Variants in CCDC192 observed in about 807,000 individuals in gnomAD.
CCDC192 encodes coiled-coil domain-containing protein 192.
At chr5:127,833,649 C>T (rs1313756160) in intron 5 of CCDC192, among the ~76,000 whole-genome samples, 2 of 152,090 alleles carry the variant, frequency 1.3e-5, no homozygotes, top group Non-Finnish European at 2.9e-5. Context: ...TGGTTGAAAG[C>T]TAGTATTTCT....
In CCDC192 at chr5:127,900,966, A is replaced by G. The variant is rs115553812; in HGVS notation, c.535+25305A>G. Among the ~76,000 whole-genome samples the G allele has an allele frequency of 3.9e-3, 600 of 152,328 alleles. 2 individuals are homozygous for G. Among genetic ancestry groups the G allele is most frequent in the African/African-American group, 0.014 (579 of 41,564 alleles). On this transcript the variant is annotated intron_variant, in intron 6 of 6. Transcript: ENST00000514853. ...GAAGAAAAGACCAATTTGATAAAAA[A>G]ATTAACATTTGGGTTCAGAATAAAA... is the stretch of plus-strand genomic sequence containing the variant.
At chr5:127,826,540 T>C (rs1018983994) in intron 5 of CCDC192, among the ~76,000 whole-genome samples, 1 of 151,162 alleles carries the variant, frequency 6.6e-6, no homozygotes. Context: ...CAACAGTGGA[T>C]TGGATAAAGA....
At chr5:127,759,833 T>C (rs897141955) in intron 3 of CCDC192, among the ~76,000 whole-genome samples, 1 of 152,230 alleles carries the variant, frequency 6.6e-6, no homozygotes, top group African/African-American at 2.4e-5. Flanking sequence ...TCCAGTTTTC[T>C]CTTCTACTCT....
intron 5 of CCDC192, among the ~76,000 whole-genome samples, chr5:127,853,814 A>G (rs1420247617): frequency 6.6e-6 from 1 of 152,086 alleles, no homozygotes; most frequent in African/African-American, 2.4e-5. Context: ...AACAAAAAAA[A>G]CATCTGGAGT....
intron 6 of CCDC192, among the ~76,000 whole-genome samples, chr5:127,880,766 G>A (rs1173167230): frequency 1.3e-5 from 2 of 152,046 alleles, no homozygotes; most frequent in African/African-American, 4.8e-5. Flanking sequence ...GATCGCCTGA[G>A]ATCAGGAGTT....
At chr5:127,736,501 A>T (rs1437472619) in intron 2 of CCDC192, among the ~76,000 whole-genome samples, 1 of 151,920 alleles carries the variant, frequency 6.6e-6, no homozygotes, top group East Asian at 1.9e-4. Flanking sequence ...TTCAGAAGGA[A>T]TGGTACCAGT....
At chr5:127,806,956 G>C (rs1472867519) in intron 5 of CCDC192, among the ~76,000 whole-genome samples, 1 of 152,200 alleles carries the variant, frequency 6.6e-6, no homozygotes, top group African/African-American at 2.4e-5. Flanking sequence ...CAGAGAGGAA[G>C]ACAGCATTGG....
Position 127,838,727 on chromosome 5 carries a change from C to T in CCDC192, c.412-36811C>T, listed in dbSNP as rs191508882. On this transcript the variant is annotated intron_variant, in intron 5 of 6. Coordinates refer to ENST00000514853, the MANE Select transcript of CCDC192 (RefSeq NM_001317938.2). ...AAAATGAGGCTCAGAAGATCAAGAG[C>T]GCTAAAAATGTACACATCAGATTGC... The T allele has an allele frequency of 9.8e-5, 15 of 152,290 alleles. No individual in the cohort carries two copies. The East Asian group carries it at 1.7e-3, about 18-fold the overall frequency. 9.4% of individuals were successfully genotyped at this position (152,290 alleles called of 1,614,324 possible).
intron 3 of CCDC192, among the ~76,000 whole-genome samples, chr5:127,759,003 A>G (rs538097473): frequency 6.4e-4 from 98 of 152,352 alleles, no homozygotes; most frequent in African/African-American, 2.3e-3. Flanking sequence ...TTTTGGCAGC[A>G]GTGTTAGCCC....
chr5:127,745,807 AT>A, intron 2 of CCDC192, among the ~76,000 whole-genome samples: 1 of 152,310 alleles, frequency 6.6e-6, no homozygotes, highest in Admixed American at 6.5e-5. Flanking sequence ...TTCATTATTA[AT>A]ACAAATTGCA....
At chr5:127,922,218 TAA>T (rs1753742304) in intron 6 of CCDC192, among the ~76,000 whole-genome samples, 2 of 152,242 alleles carry the variant, frequency 1.3e-5, no homozygotes, top group South Asian at 4.1e-4. Flanking sequence ...GATTTTTCCA[TAA>T]GTTTGATTTT....
chr5:127,783,908 T>A (rs1241593458), intron 3 of CCDC192, among the ~76,000 whole-genome samples: 1 of 152,230 alleles, frequency 6.6e-6, no homozygotes, highest in Non-Finnish European at 1.5e-5. Context: ...ATTTTTTAAC[T>A]GCTGTTGCTT....
intron 5 of CCDC192, among the ~76,000 whole-genome samples, chr5:127,828,747 G>A (rs146460681): frequency 1.2e-3 from 179 of 152,252 alleles, no homozygotes; most frequent in African/African-American, 3.9e-3. Context: ...AGTGTCCATA[G>A]GAATAGAGGT....
Position 127,710,455 on chromosome 5 carries a change from T to G in CCDC192, c.114+2695T>G, listed in dbSNP as rs559125609. ...CCCCGCTCTCTCTGCCTTTGTGTCT[T>G]GGTGGTTCTTTATTTGCCTTTACTG... is the stretch of plus-strand genomic sequence containing the variant. On this transcript the variant is annotated intron_variant, in intron 2 of 6. Transcript: ENST00000514853. 7.4e-4 allele frequency among the ~76,000 whole-genome samples: 113 copies of G among 152,214 alleles called. 1 individual carries two copies. The highest frequency in any genetic ancestry group is 3.9e-4 in the East Asian group (2 of 5,186).
intron 6 of CCDC192, among the ~76,000 whole-genome samples, chr5:127,898,650 T>C (rs1752960115): frequency 6.6e-6 from 1 of 152,088 alleles, no homozygotes; most frequent in African/African-American, 2.4e-5. Context: ...AAGAAGGTTT[T>C]TTGACTCCAT....
intron 5 of CCDC192, among the ~76,000 whole-genome samples, chr5:127,807,846 C>A (rs1370233391): frequency 6.6e-6 from 1 of 151,928 alleles, no homozygotes; most frequent in African/African-American, 2.4e-5. Context: ...ACTTAAAATC[C>A]TTCCTGAATT....
intron 5 of CCDC192, among the ~76,000 whole-genome samples, chr5:127,859,345 A>G (rs1237357315): frequency 6.6e-6 from 1 of 152,198 alleles, no homozygotes; most frequent in Non-Finnish European, 1.5e-5. Flanking sequence ...CTATGGTCAG[A>G]CACAGGAATC....
At chr5:127,735,230 A>T (rs1487213772) in intron 2 of CCDC192, among the ~76,000 whole-genome samples, 2 of 107,514 alleles carry the variant, frequency 1.9e-5, no homozygotes, top group Non-Finnish European at 3.7e-5. Context: ...CAAAGATCAG[A>T]TAGTTGTAGA....
chr5:127,756,476 T>TTAA (rs1754601049), intron 3 of CCDC192, among the ~76,000 whole-genome samples: 1 of 152,138 alleles, frequency 6.6e-6, no homozygotes, highest in Non-Finnish European at 1.5e-5. Flanking sequence ...TTTCTTAATG[T>TTAA]CTTCTGTTCC....
Sources: allele counts gnomAD v4.1 joint callset (sites outside exome capture counted in the v4.1 genomes callset), GRCh38; gene constraint gnomAD v4.1.1; transcripts MANE v1.5; gene names NCBI Gene and HGNC (gene_info 2026-07-23, HGNC 2026-07-21).